The following DHX33 variants were observed in gnomAD, a reference collection of about 807,000 sequenced individuals.
DHX33 encodes ATP-dependent RNA helicase DHX33.
In DHX33, 42 loss-of-function variants were observed where a neutral mutation model predicts 72.5. The ratio of observed to expected loss-of-function variants is 0.58; its 90% CI spans 0.45 to 0.75. The LOEUF (loss-of-function observed/expected upper bound fraction) is 0.75. DHX33 is among the 30% of genes least tolerant of loss of function. The pLI, the probability that DHX33 is intolerant of heterozygous loss-of-function variation, is 0.00. For synonymous variants in DHX33, 358 were observed against 366.1 expected (o/e 0.98, Z 0.25); for missense variants, 842 against 917.5 (o/e 0.92, Z 1.06).
intron 8 of DHX33, 78 bp downstream of exon 8, chr17:5,453,502 C>G (rs910408948): frequency 4.3e-6 from 5 of 1,163,628 alleles, no homozygotes; most frequent in Non-Finnish European, 5.2e-6. Context: ...GACCAATATA[C>G]TTTATTTTTT....
rs1269817430 is a variant in DHX33 at position 5,453,883 on chromosome 17, G to A, written c.1245C>T (p.Tyr415=). ...RAGREDSGIC[Y]RLYTEDEFEK... ...CAAACTCGTCCTCCGTGTAGAGCCGGTAGCAGATGCCACTGTCCTCTCTGC... is the reference window on the plus strand; with the variant it reads ...CAAACTCGTCCTCCGTGTAGAGCCGATAGCAGATGCCACTGTCCTCTCTGC... The change falls in exon 7 of 12, where the codon TAC becomes TAT. Residue 415 remains tyrosine (Y), a synonymous_variant. Transcript: ENST00000225296. 1 of 1,614,018 alleles carries A rather than the reference G, an allele frequency of 6.2e-7. No individual in the cohort carries two copies. The highest frequency in any genetic ancestry group is 2.2e-5 in the East Asian group (1 of 44,864).
In DHX33 at chr17:5,463,704, G is replaced by C; in HGVS notation, c.290-15C>G. 1 of 1,346,742 alleles carries C rather than the reference G, an allele frequency of 7.4e-7. No individual in the cohort carries two copies. The highest frequency in any genetic ancestry group is 1.0e-6 in the Non-Finnish European group (1 of 991,318). 83.4% of individuals were successfully genotyped at this position (1,346,742 alleles called of 1,614,324 possible). The stretch of plus-strand genomic sequence containing the variant: ...GCCAGTTTCCCCTAGGAGAGAGGGG[G>C]AAAAAAAAAAAAGGCTCACTGAAAT... On this transcript the variant is annotated splice_polypyrimidine_tract_variant and intron_variant, in intron 1 of 11. Coordinates refer to ENST00000225296, the MANE Select transcript of DHX33 (RefSeq NM_020162.4).
Position 5,450,896 on chromosome 17 carries a change from C to CT in DHX33, c.1434dup (p.Gly479ArgfsTer4). On this transcript the variant is annotated frameshift_variant, in exon 9 of 12. Transcript: ENST00000225296. LOFTEE classifies it high-confidence loss of function. ...TGGTCATCCTTATGTTCAAGAGCAC[C>CT]TAACAGGTCCAGTTGGGCAATGGCC... 1 of 1,614,110 alleles carries CT rather than the reference C, an allele frequency of 6.2e-7. No individual in the cohort carries two copies. The highest frequency in any genetic ancestry group is 8.5e-7 in the Non-Finnish European group (1 of 1,180,022).
chr17:5,454,234 C>T (rs1026560253), intron 6 of DHX33, among the ~76,000 whole-genome samples: 2 of 152,100 alleles, frequency 1.3e-5, no homozygotes, highest in Non-Finnish European at 2.9e-5. Flanking sequence ...CAGCAAGGGG[C>T]GAGAAGAGTA....
chr17:5,463,404 G>T, intron 2 of DHX33, 125 bp downstream of exon 2: 1 of 1,029,282 alleles, frequency 9.7e-7, no homozygotes, highest in Non-Finnish European at 1.4e-6. Flanking sequence ...AGAACTCTCG[G>T]AAGAATAGGC....
Position 5,442,250 on chromosome 17 carries a change from A to ATTTTTTTTTTTTTTTTTTTTT in DHX33, c.*1934_*1954dup, listed in dbSNP as rs377645589. The stretch of plus-strand genomic sequence containing the variant: ...AGCCACTGCGCCCGGCCACCCCCCA[A>ATTTTTTTTTTTTTTTTTTTTT]TTTTTTTTTTTTTTTTTTTTTTTTT... On this transcript the variant is annotated 3_prime_UTR_variant, in exon 12 of 12. Coordinates refer to ENST00000225296, the MANE Select transcript of DHX33 (RefSeq NM_020162.4). 8.2e-6 allele frequency: 1 copy of ATTTTTTTTTTTTTTTTTTTTT among 121,822 alleles called. No homozygotes were observed. The highest frequency in any genetic ancestry group is 1.7e-5 in the Non-Finnish European group (1 of 58,566). 7.5% of individuals were successfully genotyped at this position (121,822 alleles called of 1,614,324 possible). A position where few individuals can be genotyped will look rare whatever the true frequency, so the allele number is the denominator to read the frequency against.
At position 5,443,002 on chromosome 17, in the gene DHX33, C is replaced by T. The variant is rs1440180705; in HGVS notation, c.*1203G>A. The T allele has an allele frequency of 6.6e-6, 1 of 152,016 alleles. No individual in the cohort carries two copies. Among genetic ancestry groups the T allele is most frequent in the Non-Finnish European group, 1.5e-5 (1 of 68,026 alleles). The allele number at this position is 152,016 out of a possible 1,614,324, so 9.4% of individuals were successfully genotyped here. On this transcript the variant is annotated 3_prime_UTR_variant, in exon 12 of 12. Transcript: ENST00000225296. Reference sequence around the variant, plus strand: ...CAGCAAAGCCAGATTGTCCCAAGTCCCTACGAAGAAGGAAAAAATATCATA... The same window carrying T: ...CAGCAAAGCCAGATTGTCCCAAGTCTCTACGAAGAAGGAAAAAATATCATA...
chr17:5,461,705 G>A (rs1171038654), intron 3 of DHX33, among the ~76,000 whole-genome samples: 1 of 151,590 alleles, frequency 6.6e-6, no homozygotes, highest in East Asian at 2.0e-4. Flanking sequence ...GTGCCACCAT[G>A]CCTGGATCAT....
At chr17:5,446,740 C>G (rs540515630) in intron 11 of DHX33, among the ~76,000 whole-genome samples, 9 of 152,260 alleles carry the variant, frequency 5.9e-5, no homozygotes, top group African/African-American at 2.2e-4. Flanking sequence ...TTACCAGTGC[C>G]TGACATATAA....
intron 3 of DHX33, among the ~76,000 whole-genome samples, chr17:5,461,590 C>A (rs945710363): frequency 4.1e-5 from 6 of 147,546 alleles, no homozygotes; most frequent in African/African-American, 1.6e-4. Context: ...CACGCTGCAG[C>A]CTGGGTAACA....
intron 9 of DHX33, 46 bp from the exon 10 acceptor site, chr17:5,450,452 C>T (rs987577989): frequency 1.9e-6 from 3 of 1,585,988 alleles, no homozygotes; most frequent in Non-Finnish European, 1.7e-6. Context: ...TTTCTCCTAG[C>T]TTTAGAATGC....
rs771183894 is a variant in DHX33, at chr17:5,444,055, G to A, written c.*150C>T. The A allele has an allele frequency of 9.4e-6, 8 of 850,654 alleles. No homozygotes were observed. The highest frequency in any genetic ancestry group is 1.4e-5 in the Non-Finnish European group (8 of 560,938). The allele number at this position is 850,654 out of a possible 1,614,324, so 52.7% of individuals were successfully genotyped here. On this transcript the variant is annotated 3_prime_UTR_variant, in exon 12 of 12. Transcript: ENST00000225296. This position sits in a 1 kb window ranked among gnomAD's most constrained non-coding sequence, Gnocchi z 4.9. ...ATGTCTATATGGTTCAGTCCCAGGA[G>A]TTGAGCAAAGATGCTTTCACGCTCC...
intron 4 of DHX33, among the ~76,000 whole-genome samples, chr17:5,459,362 A>G (rs977562042): frequency 6.7e-6 from 1 of 148,730 alleles, no homozygotes; most frequent in African/African-American, 2.6e-5. Context: ...ATGAGAAAAT[A>G]TTTTTAAATA....
chr17:5,462,246 G>T, intron 3 of DHX33, 73 bp downstream of exon 3: 7 of 1,453,116 alleles, frequency 4.8e-6, no homozygotes, highest in Non-Finnish European at 6.6e-6. Context: ...AGCCAGGCCT[G>T]TTTCCTTCTG....
intron 4 of DHX33, among the ~76,000 whole-genome samples, chr17:5,459,389 T>TA (rs113829254): frequency 9.3e-5 from 14 of 150,426 alleles, no homozygotes; most frequent in South Asian, 2.1e-4. Flanking sequence ...TAATATAGTT[T>TA]AAAAAAAAAA....
In DHX33 at chr17:5,456,248, A is replaced by G. The variant is rs1917189436; in HGVS notation, c.850-66T>C. 4 of 1,476,468 alleles carry G rather than the reference A, an allele frequency of 2.7e-6. No individual in the cohort carries two copies. The African/African-American group carries it at 4.2e-5, about 15-fold the overall frequency. 91.5% of individuals were successfully genotyped at this position (1,476,468 alleles called of 1,614,324 possible). On this transcript the variant is annotated intron_variant, in intron 4 of 11. Coordinates refer to ENST00000225296, the MANE Select transcript of DHX33 (RefSeq NM_020162.4). Reference sequence around the variant, plus strand: ...ATTGCAGCTTGCACAGAAAAAGACAATGGTGATTGATGATGTTTCCCAGAG... The same window carrying G: ...ATTGCAGCTTGCACAGAAAAAGACAGTGGTGATTGATGATGTTTCCCAGAG...
In DHX33 at chr17:5,456,169, G is replaced by C; in HGVS notation, c.863C>G (p.Ser288Ter). 6.2e-7 allele frequency: 1 copy of C among 1,613,998 alleles called. No individual in the cohort carries two copies. The highest frequency in any genetic ancestry group is 8.5e-7 in the Non-Finnish European group (1 of 1,179,878). Residue 288 changes from serine to a stop codon, truncating the protein, a stop_gained, in exon 5 of 12, where the codon TCA becomes TGA. Transcript: ENST00000225296. LOFTEE classifies it high-confidence loss of function. ...VFQIHQEAPS[S>*]QDILVFLTGQ... is the part of the protein sequence containing the mutation. Reference sequence around the variant, plus strand: ...AGTGAGGAACACCAGGATGTCCTGTGAAGAAGGGGCTTCCTGTAAAAAAAG... The same window carrying C: ...AGTGAGGAACACCAGGATGTCCTGTCAAGAAGGGGCTTCCTGTAAAAAAAG...
intron 5 of DHX33, 66 bp downstream of exon 5, chr17:5,455,931 A>AC: frequency 6.6e-7 from 1 of 1,520,778 alleles, no homozygotes; most frequent in African/African-American, 1.4e-5. Context: ...TAACAGGTAC[A>AC]GACCTCGCTG....
At chr17:5,457,813 C>T (rs1904392057) in intron 4 of DHX33, among the ~76,000 whole-genome samples, 1 of 152,022 alleles carries the variant, frequency 6.6e-6, no homozygotes, top group Non-Finnish European at 1.5e-5. Context: ...GAGAATTCAT[C>T]AAAGCCAGTG....
Sources: allele counts gnomAD v4.1 joint callset (sites outside exome capture counted in the v4.1 genomes callset), GRCh38; gene constraint gnomAD v4.1.1; non-coding constraint Gnocchi (gnomAD v3.1); transcripts MANE v1.5; gene names NCBI Gene and HGNC (gene_info 2026-07-23, HGNC 2026-07-21).